KIF27: variants seen among roughly 807,000 people sequenced by gnomAD.
KIF27 encodes the protein kinesin family member 27.
In KIF27, 84 loss-of-function variants were observed where a neutral mutation model predicts 141.8. The observed-to-expected ratio is 0.59, with a 90% CI of 0.50 to 0.71. KIF27 has a LOEUF of 0.71. Among genes scored for constraint, KIF27 ranks in the 30% least tolerant of loss-of-function variants. The pLI is 0.00. For missense variants in KIF27, 1,306 were observed against 1,628.4 expected (o/e 0.80, Z 3.41); for synonymous variants, 471 against 569.5 (o/e 0.83, Z 2.46).
chr9:83,863,745 G>T (rs1452880813), intron 13 of KIF27: 1 of 152,194 alleles, frequency 6.6e-6, no homozygotes, highest in Non-Finnish European at 1.5e-5. Context: ...AGGTTCAGAA[G>T]GAATGGTACC....
intron 4 of KIF27, among the ~76,000 whole-genome samples, chr9:83,902,780 G>A (rs112309265): frequency 6.6e-6 from 1 of 152,102 alleles, no homozygotes; most frequent in East Asian, 1.9e-4. Context: ...AGGAGGAGGA[G>A]CCAAGAAGGG....
intron 5 of KIF27, chr9:83,898,786 C>T (rs1357673529): frequency 3.3e-5 from 5 of 152,112 alleles, no homozygotes; most frequent in African/African-American, 1.2e-4. Flanking sequence ...GAGACCCTGT[C>T]TCCACAAAAA....
intron 1 of KIF27, among the ~76,000 whole-genome samples, chr9:83,921,125 A>G (rs533059311): frequency 2.7e-5 from 4 of 148,308 alleles, no homozygotes; most frequent in African/African-American, 7.6e-5. Flanking sequence ...CTCTGCCTCT[A>G]GTCGCTCGCC....
intron 16 of KIF27, among the ~76,000 whole-genome samples, chr9:83,842,687 C>T (rs1447817703): frequency 6.6e-6 from 1 of 152,018 alleles, no homozygotes; most frequent in Non-Finnish European, 1.5e-5. Flanking sequence ...AGGATGGTCT[C>T]GATCTCCTGA....
chr9:83,907,338 ATAAT>A (rs1444538699), intron 3 of KIF27, among the ~76,000 whole-genome samples: 5 of 135,496 alleles, frequency 3.7e-5, no homozygotes, highest in Non-Finnish European at 8.1e-5. Context: ...AAATAAATAA[ATAAT>A]ATGTACATAG....
intron 16 of KIF27, among the ~76,000 whole-genome samples, chr9:83,848,239 T>A (rs572488737): frequency 1.1e-5 from 1 of 90,122 alleles, no homozygotes. Context: ...ATGATATATA[T>A]GATATATCAG....
At chr9:83,919,088 A>G (rs543058504) in intron 1 of KIF27, among the ~76,000 whole-genome samples, 2 of 152,158 alleles carry the variant, frequency 1.3e-5, no homozygotes, top group South Asian at 4.2e-4. Context: ...AAACAAACAA[A>G]CAAACAACAA....
chr9:83,871,451 T>C (rs1426091319), intron 11 of KIF27, among the ~76,000 whole-genome samples: 3 of 152,076 alleles, frequency 2.0e-5, no homozygotes, highest in Non-Finnish European at 4.4e-5. Context: ...AGGATAAGAG[T>C]CTGAAATTTA....
intron 5 of KIF27, among the ~76,000 whole-genome samples, chr9:83,893,470 A>C (rs116459679): frequency 0.016 from 2,397 of 152,214 alleles, 79 homozygotes; most frequent in African/African-American, 0.056. Context: ...ATCTGATCAC[A>C]ATGCAATAAA....
intron 8 of KIF27, 62 bp from the exon 9 acceptor site, chr9:83,887,258 T>A: frequency 8.6e-7 from 1 of 1,158,136 alleles, no homozygotes; most frequent in Non-Finnish European, 1.2e-6. Context: ...GAAGTAGAGT[T>A]AAAAAAAGAA....
At chr9:83,865,454 G>A (rs1423303323) in intron 13 of KIF27, among the ~76,000 whole-genome samples, 1 of 151,842 alleles carries the variant, frequency 6.6e-6, no homozygotes, top group Non-Finnish European at 1.5e-5. Flanking sequence ...CCACAACCAC[G>A]CCTGGCTAAT....
intron 12 of KIF27, chr9:83,868,356 G>A (rs1441129219): frequency 6.6e-6 from 1 of 152,042 alleles, no homozygotes; most frequent in East Asian, 1.9e-4. Context: ...ATGAGTGAAT[G>A]AATGCCTGAT....
intron 16 of KIF27, among the ~76,000 whole-genome samples, chr9:83,843,022 A>G (rs1013244093): frequency 6.6e-6 from 1 of 152,082 alleles, no homozygotes; most frequent in Non-Finnish European, 1.5e-5. Flanking sequence ...GGTGTTTTCT[A>G]TAAAAAGTTC....
rs1333901030 is a variant in KIF27, at chr9:83,834,898, CCT to C, written c.*2101_*2102del. On this transcript the variant is annotated 3_prime_UTR_variant, in exon 18 of 18. Transcript: ENST00000297814. Reference sequence around the variant, plus strand: ...AAGTGAAATAATGTAAAATGTATAACCTATATCTATATACAAGTATATATATA... The same window carrying C: ...AAGTGAAATAATGTAAAATGTATAACATATCTATATACAAGTATATATATA... Among the ~76,000 whole-genome samples the C allele has an allele frequency of 2.7e-5, 4 of 146,010 alleles. No individual in the cohort carries two copies. The highest frequency in any genetic ancestry group is 1.4e-4 in the Admixed American group (2 of 14,630).
intron 13 of KIF27, among the ~76,000 whole-genome samples, chr9:83,862,607 G>A (rs1357324105): frequency 2.0e-5 from 3 of 152,034 alleles, no homozygotes; most frequent in Non-Finnish European, 4.4e-5. Flanking sequence ...GTCAGGTAGC[G>A]TGATGCCTCC....
At chr9:83,902,882 T>A (rs992167403) in intron 4 of KIF27, among the ~76,000 whole-genome samples, 178 bp downstream of exon 4, 6 of 152,080 alleles carry the variant, frequency 3.9e-5, no homozygotes, top group African/African-American at 7.2e-5. Flanking sequence ...AATCATTTTT[T>A]AAAAAAACCT....
At chr9:83,905,867 C>T (rs7869321) in intron 3 of KIF27, among the ~76,000 whole-genome samples, 44,928 of 152,110 alleles carry the variant, frequency 0.3, 7,005 homozygotes, top group African/African-American at 0.39. Context: ...CACTGCTTCA[C>T]ACAGAGATTC....
chr9:83,846,654 C>T (rs1399369600), intron 16 of KIF27, among the ~76,000 whole-genome samples: 1 of 149,480 alleles, frequency 6.7e-6, no homozygotes, highest in African/African-American at 2.6e-5. Flanking sequence ...TTCACGAGTC[C>T]AGGGACCAAG....
chr9:83,848,099 T>TCTG (rs1249658113), intron 16 of KIF27, among the ~76,000 whole-genome samples: 1 of 63,540 alleles, frequency 1.6e-5, no homozygotes, highest in African/African-American at 1.0e-4. Flanking sequence ...ATATGATATA[T>TCTG]ATGATATCTC....
Sources: gnomAD v4.1 joint callset for allele counts (sites outside exome capture counted in the v4.1 genomes callset) on GRCh38, gnomAD v4.1.1 for gene constraint, MANE v1.5 for transcripts, NCBI Gene and HGNC (gene_info 2026-07-23, HGNC 2026-07-21) for gene names.